Variants in HS6ST2 observed in about 807,000 individuals in gnomAD.
The protein encoded by HS6ST2 is heparan-sulfate 6-O-sulfotransferase 2.
A neutral mutation model predicts 33.0 loss-of-function variants in HS6ST2; 17 were observed. That is an observed-to-expected ratio of 0.52 (90% CI 0.35 to 0.77). The LOEUF is 0.77. Among genes scored for constraint, HS6ST2 ranks in the 30% least tolerant of loss-of-function variants. The pLI is 0.01. For synonymous variants in HS6ST2, 248 were observed against 237.1 expected (o/e 1.05, Z -0.42); for missense variants, 519 against 551.7 (o/e 0.94, Z 0.59).
At chrX:132,893,748 T>C (rs888556725) in intron 2 of HS6ST2, among the ~76,000 whole-genome samples, 35 of 111,763 alleles carry the variant, frequency 3.1e-4, no homozygotes, top group South Asian at 7.6e-4. Flanking sequence ...AGAATGAATA[T>C]GGCATTGAGG....
intron 4 of HS6ST2, among the ~76,000 whole-genome samples, chrX:132,661,104 T>C (rs942406861): frequency 1.8e-5 from 2 of 111,428 alleles, no homozygotes; most frequent in Non-Finnish European, 3.8e-5. Flanking sequence ...CCTTGACACA[T>C]GGGGATTATG....
At chrX:132,650,542 A>C (rs1284419826) in intron 4 of HS6ST2, among the ~76,000 whole-genome samples, 2 of 111,199 alleles carry the variant, frequency 1.8e-5, no homozygotes, top group Non-Finnish European at 3.8e-5. Context: ...TTTTTAAACC[A>C]GAGAGTCCTC....
At chrX:132,917,525 G>A (rs1397658344) in intron 2 of HS6ST2, among the ~76,000 whole-genome samples, 1 of 110,146 alleles carries the variant, frequency 9.1e-6, no homozygotes, top group Non-Finnish European at 1.9e-5. Flanking sequence ...GCTTGAACCC[G>A]GGAACCGGAA....
At chrX:132,849,286 G>T (rs1480735302) in intron 2 of HS6ST2, among the ~76,000 whole-genome samples, 1 of 111,131 alleles carries the variant, frequency 9.0e-6, no homozygotes, top group Non-Finnish European at 1.9e-5. Context: ...GATGCAAGAA[G>T]AAGAAGGTAT....
intron 2 of HS6ST2, among the ~76,000 whole-genome samples, chrX:132,804,361 G>A (rs1214719656): frequency 8.9e-6 from 1 of 112,063 alleles, no homozygotes; most frequent in Non-Finnish European, 1.9e-5. Context: ...TAGCCCAGAG[G>A]AAACACATGC....
At chrX:132,731,675 G>A (rs1209267904) in intron 2 of HS6ST2, among the ~76,000 whole-genome samples, 1 of 110,738 alleles carries the variant, frequency 9.0e-6, no homozygotes, top group Non-Finnish European at 1.9e-5. Flanking sequence ...GTGAAACCCC[G>A]TCTCTACTAA....
chrX:132,957,210 C>A lies in HS6ST2; in HGVS notation c.545G>T (p.Arg182Leu), dbSNP rs763782998. 1.7e-6 allele frequency: 2 copies of A among 1,210,061 alleles called. No homozygotes were observed. Among genetic ancestry groups the A allele is most frequent in the Admixed American group, 4.4e-5 (2 of 45,977 alleles). Residue 182 changes from arginine to leucine, a missense_variant, in exon 2 of 5, where the codon CGC (arginine) becomes CTC (leucine). Arg to Leu is a moderately radical substitution (Grantham distance 102, BLOSUM62 -2). Transcript: ENST00000370833. ...CACCGGGGAGCTGAACGCCTGCAGG[C>A]GGAGGAGCTGGCATTCTGTGCCGGG... ...VCPGTECQLL[R>L]LQAFSSPVPD...
intron 4 of HS6ST2, among the ~76,000 whole-genome samples, chrX:132,667,989 G>GT (rs920435539): frequency 9.0e-6 from 1 of 111,529 alleles, no homozygotes; most frequent in African/African-American, 3.3e-5. Context: ...CTTTAACACC[G>GT]TTTTTTATAT....
chrX:132,648,494 G>A (rs1285865404), intron 4 of HS6ST2, among the ~76,000 whole-genome samples: 1 of 99,406 alleles, frequency 1.0e-5, no homozygotes, highest in African/African-American at 4.0e-5. Flanking sequence ...GGAGCCCTAG[G>A]CTTTTGATGT....
intron 2 of HS6ST2, among the ~76,000 whole-genome samples, chrX:132,804,000 G>A (rs2148356411): frequency 9.0e-6 from 1 of 111,637 alleles, no homozygotes; most frequent in African/African-American, 3.3e-5. Context: ...CACTGGCCAT[G>A]GCAGGGGATA....
At position 132,715,292 on chromosome X, in the gene HS6ST2, G is replaced by A. The variant is rs745458247; in HGVS notation, c.948-6798C>T. 1.1e-4 allele frequency among the ~76,000 whole-genome samples: 12 copies of A among 111,065 alleles called. No homozygotes were observed. In the South Asian group the frequency reaches 4.7e-3, roughly 43 times the overall value. ...TCTACAAAAAATACGAAAAATAGCT[G>A]GGCATGTTGTCATGTGCCTGTGGTC... On this transcript the variant is annotated intron_variant, in intron 2 of 4. Transcript: ENST00000370833.
At chrX:132,865,754 T>C (rs1188145989) in intron 2 of HS6ST2, among the ~76,000 whole-genome samples, 1 of 112,367 alleles carries the variant, frequency 8.9e-6, no homozygotes, top group African/African-American at 3.2e-5. Flanking sequence ...TTTCATGTGT[T>C]TTTTGGCTGG....
chrX:132,831,762 T>C (rs2065592366), intron 2 of HS6ST2, among the ~76,000 whole-genome samples: 1 of 112,202 alleles, frequency 8.9e-6, no homozygotes, highest in Non-Finnish European at 1.9e-5. Context: ...TGTCAACAGA[T>C]GCTTAAAGCA....
chrX:132,770,289 TG>T (rs1420197686), intron 2 of HS6ST2, among the ~76,000 whole-genome samples: 1 of 111,596 alleles, frequency 9.0e-6, no homozygotes, highest in African/African-American at 3.3e-5. Flanking sequence ...GAATCAGAAT[TG>T]GAACCCAGGT....
At chrX:132,828,703 C>T (rs866228243) in intron 2 of HS6ST2, among the ~76,000 whole-genome samples, 36,254 of 77,874 alleles carry the variant, frequency 0.47, 8,795 homozygotes, top group African/African-American at 0.63. Flanking sequence ...TACACACACA[C>T]ACACACACAC....
chrX:132,855,870 G>T (rs904120514), intron 2 of HS6ST2, among the ~76,000 whole-genome samples: 2 of 109,578 alleles, frequency 1.8e-5, no homozygotes, highest in Non-Finnish European at 3.8e-5. Flanking sequence ...ACTAGATGTG[G>T]TTCCGGGAGT....
chrX:132,778,645 C>T (rs1257202551), intron 2 of HS6ST2, among the ~76,000 whole-genome samples: 1 of 110,278 alleles, frequency 9.1e-6, no homozygotes, highest in Admixed American at 9.7e-5. Context: ...AGCTCGTGAT[C>T]TGCCCGCCTC....
intron 2 of HS6ST2, among the ~76,000 whole-genome samples, chrX:132,858,691 G>C (rs945714663): frequency 2.7e-5 from 3 of 112,078 alleles, no homozygotes; most frequent in African/African-American, 9.7e-5. Flanking sequence ...CAGTGCAATA[G>C]AATCAAAGCA....
At chrX:132,723,618 A>G (rs966973556) in intron 2 of HS6ST2, among the ~76,000 whole-genome samples, 2 of 111,780 alleles carry the variant, frequency 1.8e-5, no homozygotes, top group African/African-American at 6.5e-5. Context: ...CATAAAATTC[A>G]ATCTCTCCAT....
Sources: allele counts gnomAD v4.1 joint callset (sites outside exome capture counted in the v4.1 genomes callset), GRCh38; gene constraint gnomAD v4.1.1; transcripts MANE v1.5; gene names NCBI Gene and HGNC (gene_info 2026-07-23, HGNC 2026-07-21).